The following PTCH1 variants were observed in gnomAD, a reference collection of about 807,000 sequenced individuals.
The protein encoded by PTCH1 is patched 1.
In PTCH1, 14 loss-of-function variants were observed where a neutral mutation model predicts 144.6. The ratio of observed to expected loss-of-function variants is 0.10; its 90% CI spans 0.06 to 0.15. The LOEUF is 0.15. Among genes scored for constraint, PTCH1 ranks in the 10% least tolerant of loss-of-function variants. The pLI, the probability that PTCH1 is intolerant of heterozygous loss-of-function variation, is 1.00. For synonymous variants in PTCH1, 833 were observed against 793.6 expected (o/e 1.05, Z -0.83); for missense variants, 1,623 against 1,948.3 (o/e 0.83, Z 3.14).
At chr9:95,481,434 C>T (rs1429206527) in intron 5 of PTCH1, among the ~76,000 whole-genome samples, 1 of 152,202 alleles carries the variant, frequency 6.6e-6, no homozygotes, top group East Asian at 1.9e-4. Context: ...TATATAATAT[C>T]CAACTGCTAA....
intron 15 of PTCH1, among the ~76,000 whole-genome samples, chr9:95,464,648 A>T (rs1839836567): frequency 6.6e-6 from 1 of 152,220 alleles, no homozygotes; most frequent in Non-Finnish European, 1.5e-5. Flanking sequence ...TTAAGATGTG[A>T]CATGTGGGAT....
intron 7 of PTCH1, among the ~76,000 whole-genome samples, chr9:95,479,446 G>C (rs768847284): frequency 1.3e-5 from 2 of 152,186 alleles, no homozygotes; most frequent in African/African-American, 2.4e-5. Flanking sequence ...CAGATAGCTT[G>C]AACAGATACA....
intron 5 of PTCH1, 147 bp from the exon 6 acceptor site, chr9:95,480,735 T>C (rs1421094640): frequency 1.2e-5 from 10 of 814,922 alleles, no homozygotes; most frequent in Admixed American, 6.4e-5. Context: ...CAAATGCTCC[T>C]TTCCAGCATA....
intron 2 of PTCH1, among the ~76,000 whole-genome samples, chr9:95,493,600 TGTA>T (rs1842580889): frequency 6.6e-6 from 1 of 152,186 alleles, no homozygotes; most frequent in Non-Finnish European, 1.5e-5. Flanking sequence ...ATAGGGTCTG[TGTA>T]TATGCAAGCG....
At position 95,449,872 on chromosome 9, in the gene PTCH1, A is replaced by T; in HGVS notation, c.3518T>A (p.Val1173Glu). The T allele has an allele frequency of 6.2e-7, 1 of 1,614,174 alleles. No individual in the cohort carries two copies. The highest frequency in any genetic ancestry group is 8.5e-7 in the Non-Finnish European group (1 of 1,179,994). ...ATATGGTCCAAAGAAAGACAAAAGC[A>T]CGGGAAGCAAAACCAGCCCATTGAG... ...GVLNGLVLLP[V>E]LLSFFGPYPE... The change falls in exon 21 of 24, where the codon GTG (valine) becomes GAG (glutamate). Residue 1173 changes from valine (V) to glutamate (E), a missense_variant. Val to Glu is a moderately radical substitution (Grantham distance 121). Coordinates refer to ENST00000331920, the MANE Select transcript of PTCH1 (RefSeq NM_000264.5). This position sits in a 1 kb window ranked among gnomAD's most constrained non-coding sequence, Gnocchi z 5.3.
chr9:95,462,653 C>T (rs569552194), intron 15 of PTCH1, among the ~76,000 whole-genome samples: 2 of 152,298 alleles, frequency 1.3e-5, no homozygotes, highest in Admixed American at 6.5e-5. Context: ...GAAGGGAAGG[C>T]GCTCGTGTGC....
intron 15 of PTCH1, among the ~76,000 whole-genome samples, chr9:95,466,655 A>G (rs151075914): frequency 2.6e-5 from 4 of 152,324 alleles, no homozygotes; most frequent in African/African-American, 9.6e-5. Flanking sequence ...TTAGAAATAG[A>G]TAATTTTTAA....
intron 23 of PTCH1, 106 bp from the exon 24 acceptor site, chr9:95,446,497 G>C (rs967044656): frequency 2.1e-6 from 1 of 480,406 alleles, no homozygotes; most frequent in Admixed American, 2.3e-5. Context: ...TAGAAATCAC[G>C]AGAGTGGGGT....
chr9:95,506,683 G>A, intron 1 of PTCH1, 84 bp from the exon 2 acceptor site: 1 of 1,151,164 alleles, frequency 8.7e-7, no homozygotes, highest in Non-Finnish European at 1.2e-6. Context: ...CCCGCCCGGT[G>A]AGCCCCCAAC....
Position 95,444,506 on chromosome 9 carries a change from C to A in PTCH1, c.*1887G>T. On this transcript the variant is annotated 3_prime_UTR_variant, in exon 24 of 24. Transcript: ENST00000331920. Reference sequence around the variant, plus strand: ...CAGCAGAGACACACACACACGCACGCACGCACACACACACACACACACCCA... The same window carrying A: ...CAGCAGAGACACACACACACGCACGAACGCACACACACACACACACACCCA... 7.0e-6 allele frequency: 1 copy of A among 142,396 alleles called. No individual in the cohort carries two copies. The highest frequency in any genetic ancestry group is 2.0e-4 in the South Asian group (1 of 5,048). The allele number at this position is 142,396 out of a possible 1,614,324, so 8.8% of individuals were successfully genotyped here.
In PTCH1 at chr9:95,453,525, C is replaced by T. The variant is rs2136631292; in HGVS notation, c.3402G>A (p.Leu1134=). 1 of 1,614,202 alleles carries T rather than the reference C, an allele frequency of 6.2e-7. No homozygotes were observed. Among genetic ancestry groups the T allele is most frequent in the Admixed American group, 1.7e-5 (1 of 60,034 alleles). Residue 1134 remains leucine, a synonymous_variant, in exon 20 of 24, where the codon CTG becomes CTA. Coordinates refer to ENST00000331920, the MANE Select transcript of PTCH1 (RefSeq NM_000264.5). ...ATCCCGCCAGCATCAGCACTCCCAGCAGAGTGGACACGGCGCCATCCAGGA... is the reference window on the plus strand; with the variant it reads ...ATCCCGCCAGCATCAGCACTCCCAGTAGAGTGGACACGGCGCCATCCAGGA... ...APVLDGAVST[L]LGVLMLAGSE...
intron 3 of PTCH1, 53 bp downstream of exon 3, chr9:95,485,632 T>A: frequency 1.2e-6 from 2 of 1,608,020 alleles, no homozygotes; most frequent in South Asian, 2.2e-5. Flanking sequence ...CCAGCAGCCT[T>A]CTCCCACCGC....
At chr9:95,474,118 C>T (rs761028403) in intron 12 of PTCH1, 40 of 496,512 alleles carry the variant, frequency 8.1e-5, no homozygotes, top group Non-Finnish European at 1.2e-4. Flanking sequence ...AAAGGAGAGT[C>T]GGCCTCGATG....
At chr9:95,506,840 G>T in intron 1 of PTCH1, 1 of 1,184,450 alleles carries the variant, frequency 8.4e-7, no homozygotes, top group Non-Finnish European at 1.0e-6. Flanking sequence ...GCCCCCACCC[G>T]CGGGATCCCT....
chr9:95,514,731 A>T (rs1337036260), intron 1 of PTCH1, among the ~76,000 whole-genome samples: 1 of 152,202 alleles, frequency 6.6e-6, no homozygotes, highest in Non-Finnish European at 1.5e-5. Flanking sequence ...CTATCTGTAG[A>T]AAGTTGAAGA....
intron 2 of PTCH1, 28 bp from the exon 3 acceptor site, chr9:95,485,902 A>T: frequency 6.2e-7 from 1 of 1,612,804 alleles, no homozygotes; most frequent in Non-Finnish European, 8.5e-7. Flanking sequence ...GTTTAATTAG[A>T]ATAGCAAAAT....
chr9:95,468,484 C>A (rs1840239780), intron 14 of PTCH1, among the ~76,000 whole-genome samples: 1 of 152,222 alleles, frequency 6.6e-6, no homozygotes, highest in Non-Finnish European at 1.5e-5. Context: ...AGGCATGAGC[C>A]ACCGCAAGTG....
chr9:95,513,649 C>T (rs1378299940), upstream of PTCH1, among the ~76,000 whole-genome samples: 1 of 152,092 alleles, frequency 6.6e-6, no homozygotes, highest in African/African-American at 2.4e-5. Context: ...ACTATTTTCT[C>T]ATTGGCAGCT....
intron 12 of PTCH1, among the ~76,000 whole-genome samples, chr9:95,475,716 T>TG (rs1166692430): frequency 1.3e-5 from 2 of 152,084 alleles, no homozygotes. Context: ...GCTGCAGCGC[T>TG]GGTGACCCCA....
Sources: gnomAD v4.1 joint callset for allele counts (sites outside exome capture counted in the v4.1 genomes callset) on GRCh38, gnomAD v4.1.1 for gene constraint, Gnocchi (gnomAD v3.1) non-coding constraint, MANE v1.5 for transcripts, NCBI Gene and HGNC (gene_info 2026-07-23, HGNC 2026-07-21) for gene names.